Variants in CPNE5 observed in about 807,000 individuals in gnomAD.
CPNE5 encodes the protein copine 5.
CPNE5 carries 42 observed loss-of-function variants against 81.1 expected under a neutral mutation model. The ratio of observed to expected loss-of-function variants is 0.52; its 90% CI spans 0.40 to 0.67. The LOEUF is 0.67. CPNE5 is among the 30% of genes least tolerant of loss of function. The probability of loss-of-function intolerance (pLI) is 0.00; values close to 1 mark genes in which losing one functional copy is unlikely to be tolerated. For missense variants in CPNE5, 612 were observed against 815.5 expected, an observed-to-expected ratio of 0.75 and a Z score of 3.04; for synonymous variants, 313 against 321.5, an observed-to-expected ratio of 0.97 and a Z score of 0.28.
chr6:36,763,876 G>A (rs1431554909), intron 11 of CPNE5, among the ~76,000 whole-genome samples: 2 of 152,152 alleles, frequency 1.3e-5, no homozygotes, highest in African/African-American at 4.8e-5. Flanking sequence ...GTCCAGCTGG[G>A]TGGCTGCAAG....
In CPNE5 at chr6:36,766,517, AG is replaced by A. The variant is rs112537542; in HGVS notation, c.738-1142del. Among the ~76,000 whole-genome samples the A allele has an allele frequency of 4.2e-4, 64 of 152,360 alleles. No homozygotes were observed. Among genetic ancestry groups the A allele is most frequent in the African/African-American group, 1.4e-3 (59 of 41,586 alleles). On this transcript the variant is annotated intron_variant, in intron 10 of 20. Transcript: ENST00000244751. The surrounding 1 kb of genome is among the most constrained non-coding windows in gnomAD (Gnocchi z 4.2). Reference sequence around the variant, plus strand: ...AGCCCACCATTTAAAGGAATCCTTTAGATTCTTGTGAAAAACAAAAAACCAT... The same window carrying A: ...AGCCCACCATTTAAAGGAATCCTTTAATTCTTGTGAAAAACAAAAAACCAT...
chr6:36,821,516 G>C (rs1018091659), intron 3 of CPNE5, among the ~76,000 whole-genome samples: 3 of 151,718 alleles, frequency 2.0e-5, no homozygotes, highest in Non-Finnish European at 2.9e-5. Context: ...CATCAAGTCA[G>C]CCCTCTCTCC....
Position 36,753,016 on chromosome 6 carries a change from G to A in CPNE5, c.971+18C>T. ...CCCTCTCCCCAAGGCCCATGAAATT[G>A]GCTGTATCTCTTCTCACCCTCCTTT... On this transcript the variant is annotated intron_variant, in intron 14 of 20. Coordinates refer to ENST00000244751, the MANE Select transcript of CPNE5 (RefSeq NM_020939.2). 1.2e-6 allele frequency: 2 copies of A among 1,600,456 alleles called. No homozygotes were observed. The highest frequency in any genetic ancestry group is 1.7e-6 in the Non-Finnish European group (2 of 1,168,366).
intron 1 of CPNE5, among the ~76,000 whole-genome samples, chr6:36,833,409 G>A (rs1773135419): frequency 6.6e-6 from 1 of 152,210 alleles, no homozygotes; most frequent in Non-Finnish European, 1.5e-5. Context: ...GCGGGACCTG[G>A]GAATATGATA....
intron 10 of CPNE5, among the ~76,000 whole-genome samples, chr6:36,770,987 C>T (rs751219222): frequency 2.0e-4 from 30 of 152,210 alleles, no homozygotes; most frequent in African/African-American, 2.9e-4. Flanking sequence ...TGCCCTCAAA[C>T]GCTGAACCAT....
At chr6:36,778,189 C>T (rs1026765358) in intron 9 of CPNE5, among the ~76,000 whole-genome samples, 14 of 152,226 alleles carry the variant, frequency 9.2e-5, no homozygotes, top group Admixed American at 2.0e-4. Flanking sequence ...TGGGGAAGAC[C>T]TAGGTCCCCA....
intron 1 of CPNE5, among the ~76,000 whole-genome samples, chr6:36,829,812 C>CAAA (rs35015008): frequency 1.5e-5 from 1 of 66,966 alleles, no homozygotes; most frequent in African/African-American, 6.9e-5. Context: ...GGCTCCATCT[C>CAAA]AAAAAAAAAA....
upstream of CPNE5, chr6:36,839,646 G>C (rs1180477232): frequency 3.7e-6 from 1 of 268,098 alleles, no homozygotes; most frequent in Non-Finnish European, 7.1e-6. The surrounding 1 kb of genome is among the most constrained non-coding windows in gnomAD (Gnocchi z 7.3). Flanking sequence ...GGGAGCGGGG[G>C]CACAGCGGGG....
chr6:36,818,692 G>A (rs1771777298), intron 3 of CPNE5, among the ~76,000 whole-genome samples: 2 of 152,192 alleles, frequency 1.3e-5, no homozygotes, highest in South Asian at 4.1e-4. Flanking sequence ...CCCACCTCCA[G>A]AAAGGGCTGG....
intron 10 of CPNE5, among the ~76,000 whole-genome samples, chr6:36,770,893 A>G (rs144960835): frequency 1.2e-3 from 187 of 152,296 alleles, no homozygotes; most frequent in Admixed American, 4.0e-3. Flanking sequence ...TAGGCTGTGA[A>G]AAGAACTGCG....
chr6:36,802,739 C>T (rs2150536005), intron 3 of CPNE5, among the ~76,000 whole-genome samples: 1 of 152,150 alleles, frequency 6.6e-6, no homozygotes, highest in African/African-American at 2.4e-5. Flanking sequence ...GTCCCTTCTA[C>T]CCTGAATTAA....
At chr6:36,801,611 C>T (rs1453854090) in intron 3 of CPNE5, among the ~76,000 whole-genome samples, 2 of 152,206 alleles carry the variant, frequency 1.3e-5, no homozygotes, top group African/African-American at 2.4e-5. Context: ...TTACAATAGA[C>T]TATCATTCAG....
intron 3 of CPNE5, among the ~76,000 whole-genome samples, chr6:36,807,856 A>T (rs925870754): frequency 6.6e-6 from 1 of 152,166 alleles, no homozygotes; most frequent in African/African-American, 2.4e-5. Flanking sequence ...CCTCAGTTGA[A>T]AAAAGGCCGC....
chr6:36,777,208 C>T (rs1165182587), intron 9 of CPNE5, among the ~76,000 whole-genome samples: 3 of 152,180 alleles, frequency 2.0e-5, no homozygotes, highest in South Asian at 2.1e-4. Flanking sequence ...CAAGTCCGGC[C>T]GAGTGAGGTC....
rs575623589 is a variant in CPNE5 at position 36,821,131 on chromosome 6, C to T, written c.183+983G>A. On this transcript the variant is annotated intron_variant, in intron 3 of 20. Transcript: ENST00000244751. ...AGGGAAGCATGGAAGGGCTACTAAG[C>T]CATGTGGGAAAAGAGCATTCCATGG... 5.5e-5 allele frequency among the ~76,000 whole-genome samples: 6 copies of T among 109,008 alleles called. No individual in the cohort carries two copies. The South Asian group carries it at 1.6e-3, about 29-fold the overall frequency. The allele number at this position is 109,008 out of a possible 152,430, so 71.5% of individuals were successfully genotyped here.
chr6:36,777,354 G>A (rs1190076663), intron 9 of CPNE5, among the ~76,000 whole-genome samples: 2 of 147,574 alleles, frequency 1.4e-5, no homozygotes, highest in African/African-American at 2.5e-5. Flanking sequence ...CCCTTTCCCC[G>A]CACCCTCCCC....
At chr6:36,791,931 C>G in intron 8 of CPNE5, 102 bp downstream of exon 8, 2 of 985,488 alleles carry the variant, frequency 2.0e-6, no homozygotes, top group Non-Finnish European at 3.3e-6. Context: ...GCATCAGGAG[C>G]CCTGTCTACC....
intron 14 of CPNE5, among the ~76,000 whole-genome samples, chr6:36,750,311 A>T (rs1310127353): frequency 2.0e-5 from 3 of 152,102 alleles, no homozygotes; most frequent in African/African-American, 4.8e-5. Flanking sequence ...AAACCACCTG[A>T]TCACAGCTGA....
At chr6:36,789,435 G>T (rs1046269394) in intron 8 of CPNE5, among the ~76,000 whole-genome samples, 3 of 152,198 alleles carry the variant, frequency 2.0e-5, no homozygotes, top group African/African-American at 7.2e-5. Context: ...TTTCATGTAT[G>T]TGACTTTATT....
Sources: allele counts gnomAD v4.1 joint callset (sites outside exome capture counted in the v4.1 genomes callset), GRCh38; gene constraint gnomAD v4.1.1; non-coding constraint Gnocchi (gnomAD v3.1); transcripts MANE v1.5; gene names NCBI Gene and HGNC (gene_info 2026-07-23, HGNC 2026-07-21).